The following PRKN variants were observed in gnomAD, a reference collection of about 807,000 sequenced individuals.
PRKN encodes the protein parkin RBR E3 ubiquitin protein ligase, also known as E3 ubiquitin-protein ligase parkin.
A neutral mutation model predicts 59.5 loss-of-function variants in PRKN; 56 were observed. The observed-to-expected ratio is 0.94, with a 90% CI of 0.76 to 1.18. The LOEUF (loss-of-function observed/expected upper bound fraction) is 1.18, where lower values mean the gene tolerates loss of function less well. PRKN is among the 50% of genes most tolerant of loss of function. The pLI is 0.00. For synonymous variants in PRKN, 250 were observed against 222.1 expected (o/e 1.13, Z -1.12); for missense variants, 657 against 596.4 (o/e 1.10, Z -1.06).
intron 4 of PRKN, among the ~76,000 whole-genome samples, chr6:162,092,182 C>A (rs141450908): frequency 4.4e-4 from 67 of 152,136 alleles, no homozygotes; most frequent in African/African-American, 1.6e-3. Context: ...GGCGAAACCC[C>A]GGCTCTACTA....
intron 2 of PRKN, among the ~76,000 whole-genome samples, chr6:162,331,563 T>C (rs1478045884): frequency 1.5e-4 from 23 of 152,232 alleles, no homozygotes; most frequent in Non-Finnish European, 2.9e-5. Flanking sequence ...TCAGCATTTG[T>C]ACTTCCCCTT....
chr6:161,556,520 T>A (rs1236183623), intron 8 of PRKN, among the ~76,000 whole-genome samples: 2 of 152,204 alleles, frequency 1.3e-5, no homozygotes, highest in African/African-American at 4.8e-5. Context: ...TTTTCATAGA[T>A]CCTTTTAACC....
chr6:161,870,758 G>A (rs558405387), intron 6 of PRKN, among the ~76,000 whole-genome samples: 5 of 152,268 alleles, frequency 3.3e-5, no homozygotes, highest in Non-Finnish European at 5.9e-5. Flanking sequence ...ATGTGCCAGC[G>A]ACAGTGCCAA....
intron 1 of PRKN, among the ~76,000 whole-genome samples, chr6:162,623,119 C>CT (rs1227962826): frequency 1.3e-5 from 2 of 152,038 alleles, no homozygotes; most frequent in Non-Finnish European, 2.9e-5. Context: ...GCCTCAACCT[C>CT]TTTTTTTTGG....
At chr6:162,604,831 T>A (rs577726558) in intron 1 of PRKN, among the ~76,000 whole-genome samples, 1 of 152,158 alleles carries the variant, frequency 6.6e-6, no homozygotes, top group East Asian at 1.9e-4. Context: ...CCACTATTTA[T>A]CAGCCTCCAG....
intron 1 of PRKN, among the ~76,000 whole-genome samples, chr6:162,515,319 G>A: frequency 6.6e-6 from 1 of 152,114 alleles, no homozygotes; most frequent in East Asian, 1.9e-4. Context: ...CTGACCTCAG[G>A]TGATCCGCCT....
intron 7 of PRKN, among the ~76,000 whole-genome samples, chr6:161,696,800 C>T (rs910157506): frequency 2.0e-5 from 3 of 152,174 alleles, no homozygotes; most frequent in African/African-American, 7.2e-5. Context: ...CACAAATGCA[C>T]TACTACTTTG....
intron 1 of PRKN, among the ~76,000 whole-genome samples, chr6:162,580,440 G>GAAAAAAAAA (rs56059992): frequency 8.3e-6 from 1 of 120,572 alleles, no homozygotes; most frequent in African/African-American, 3.4e-5. Flanking sequence ...CCCTGTCTCA[G>GAAAAAAAAA]AAAAAAAAAA....
chr6:162,620,537 G>A (rs1782620757), intron 1 of PRKN, among the ~76,000 whole-genome samples: 1 of 152,124 alleles, frequency 6.6e-6, no homozygotes, highest in South Asian at 2.1e-4. Context: ...ACACTAATGT[G>A]CTGCTGCATA....
At chr6:162,659,514 C>A (rs927109669) in intron 1 of PRKN, among the ~76,000 whole-genome samples, 2 of 152,120 alleles carry the variant, frequency 1.3e-5, no homozygotes, top group African/African-American at 4.8e-5. Context: ...TTGATGAATT[C>A]ATCACTGTCT....
intron 2 of PRKN, among the ~76,000 whole-genome samples, chr6:162,334,370 T>C (rs963529693): frequency 6.6e-6 from 1 of 152,190 alleles, no homozygotes; most frequent in African/African-American, 2.4e-5. Flanking sequence ...TAGGGGCAAA[T>C]GCAGCTGGTT....
chr6:161,513,272 G>A (rs376941364), intron 9 of PRKN, among the ~76,000 whole-genome samples: 23 of 152,040 alleles, frequency 1.5e-4, no homozygotes, highest in Admixed American at 5.2e-4. Flanking sequence ...ATGGGGTCTC[G>A]CTCTGTCACC....
chr6:161,704,117 A>G (rs1182177773), intron 7 of PRKN, among the ~76,000 whole-genome samples: 4 of 151,994 alleles, frequency 2.6e-5, no homozygotes, highest in African/African-American at 9.7e-5. Context: ...TGGCCTCCCA[A>G]AGTGCTGGGA....
intron 6 of PRKN, among the ~76,000 whole-genome samples, chr6:161,949,414 G>C (rs906434137): frequency 6.6e-6 from 1 of 152,160 alleles, no homozygotes; most frequent in African/African-American, 2.4e-5. Context: ...GGGAGGCTGT[G>C]GCAGGAGAAT....
In PRKN at chr6:161,460,925, T is replaced by C. The variant is rs1177171989; in HGVS notation, c.1084-74048A>G. Reference sequence around the variant, plus strand: ...CCACCACGCCCAGCTAATTTTTCTTTCTTTTTTTTTTTTAGCAGAGACGGG... The same window carrying C: ...CCACCACGCCCAGCTAATTTTTCTTCCTTTTTTTTTTTTAGCAGAGACGGG... On this transcript the variant is annotated intron_variant, in intron 9 of 11. Transcript: ENST00000366898. The surrounding 1 kb of genome is among the most constrained non-coding windows in gnomAD (Gnocchi z 5.0). Among the ~76,000 whole-genome samples the C allele has an allele frequency of 6.6e-6, 1 of 150,600 alleles. No homozygotes were observed. Among genetic ancestry groups the C allele is most frequent in the African/African-American group, 2.5e-5 (1 of 40,710 alleles).
chr6:161,936,609 C>G (rs1431837627), intron 6 of PRKN, among the ~76,000 whole-genome samples: 1 of 151,958 alleles, frequency 6.6e-6, no homozygotes, highest in Non-Finnish European at 1.5e-5. Flanking sequence ...TTTGAGAAAG[C>G]CAAAGCTTTA....
chr6:162,475,838 G>A (rs750553243), intron 1 of PRKN, among the ~76,000 whole-genome samples: 1 of 152,162 alleles, frequency 6.6e-6, no homozygotes, highest in Admixed American at 6.5e-5. Flanking sequence ...TGCAACCTCC[G>A]CCTCCCGGGC....
intron 7 of PRKN, among the ~76,000 whole-genome samples, chr6:161,626,940 T>A (rs1220799985): frequency 6.6e-6 from 1 of 151,340 alleles, no homozygotes; most frequent in Non-Finnish European, 1.5e-5. Flanking sequence ...CTAAGTAAAC[T>A]CACTTATCTA....
Position 162,560,853 on chromosome 6 carries a change from C to CAAAAAAAAAAAAAAAA in PRKN, c.8-117381_8-117380insTTTTTTTTTTTTTTTT, listed in dbSNP as rs60391138. Among the ~76,000 whole-genome samples, 69 of 56,478 alleles carry CAAAAAAAAAAAAAAAA rather than the reference C, an allele frequency of 1.2e-3. 8 individuals are homozygous for CAAAAAAAAAAAAAAAA. The highest frequency in any genetic ancestry group is 0.021 in the Middle Eastern group (1 of 48). 37.1% of individuals were successfully genotyped at this position (56,478 alleles called of 152,430 possible). On this transcript the variant is annotated intron_variant, in intron 1 of 11. Transcript: ENST00000366898. ...CAATTAAAGCCCAGAGAGAGAGAGG[C>CAAAAAAAAAAAAAAAA]AAAAAAAAAAAAAACCCAGGTCATT...
Sources: gnomAD v4.1 joint callset for allele counts (sites outside exome capture counted in the v4.1 genomes callset) on GRCh38, gnomAD v4.1.1 for gene constraint, Gnocchi (gnomAD v3.1) non-coding constraint, MANE v1.5 for transcripts, NCBI Gene and HGNC (gene_info 2026-07-23, HGNC 2026-07-21) for gene names.